Variants in TBCD observed in about 807,000 individuals in gnomAD.
TBCD encodes the protein tubulin-specific chaperone D.
Under a neutral mutation model 169.3 loss-of-function variants are expected in TBCD, and 105 were observed. The observed-to-expected ratio is 0.62, with a 90% confidence interval of 0.53 to 0.73. The LOEUF (loss-of-function observed/expected upper bound fraction) is 0.73. TBCD is among the 30% of genes least tolerant of loss of function. TBCD has a pLI of 0.00. For missense variants in TBCD, 1,444 were observed against 1,600.1 expected (o/e 0.90, Z 1.66); for synonymous variants, 700 against 643.9 (o/e 1.09, Z -1.32).
chr17:82,817,734 G>C (rs2052047171), intron 13 of TBCD, among the ~76,000 whole-genome samples: 1 of 152,100 alleles, frequency 6.6e-6, no homozygotes, highest in African/African-American at 2.4e-5. Context: ...GGCTGTACCT[G>C]GTGTGTTTTC....
At chr17:82,841,991 A>C (rs1160941706) in intron 13 of TBCD, among the ~76,000 whole-genome samples, 1 of 152,238 alleles carries the variant, frequency 6.6e-6, no homozygotes, top group Non-Finnish European at 1.5e-5. Context: ...GGAAGGTTCC[A>C]GTCCTCCAGA....
chr17:82,841,474 G>A (rs1311349720), intron 13 of TBCD, among the ~76,000 whole-genome samples: 2 of 152,042 alleles, frequency 1.3e-5, no homozygotes, highest in African/African-American at 4.8e-5. Context: ...CGGTCACTAT[G>A]CCTGGAGAAT....
At chr17:82,910,930 G>A (rs1374187984) in intron 22 of TBCD, among the ~76,000 whole-genome samples, 1 of 152,094 alleles carries the variant, frequency 6.6e-6, no homozygotes, top group Non-Finnish European at 1.5e-5. Flanking sequence ...CTTTACCTTC[G>A]AGGGGTGAAG....
chr17:82,762,051 C>G (rs1238412276), intron 2 of TBCD, among the ~76,000 whole-genome samples: 1 of 151,170 alleles, frequency 6.6e-6, no homozygotes, highest in Non-Finnish European at 1.5e-5. Context: ...CGGTTTTTGG[C>G]TGTTATTAAT....
At chr17:82,916,392 G>A (rs2061035777) in intron 23 of TBCD, among the ~76,000 whole-genome samples, 1 of 152,100 alleles carries the variant, frequency 6.6e-6, no homozygotes, top group African/African-American at 2.4e-5. Flanking sequence ...TTACAGGCAT[G>A]CGCCACCGTG....
intron 14 of TBCD, among the ~76,000 whole-genome samples, chr17:82,875,474 C>T (rs1567937367): frequency 6.6e-6 from 1 of 152,234 alleles, no homozygotes; most frequent in Non-Finnish European, 1.5e-5. Flanking sequence ...GTGATTTCCT[C>T]ACCTGAAACT....
Position 82,789,202 on chromosome 17 carries a change from G to A in TBCD, c.771+7481G>A, listed in dbSNP as rs531115874. The stretch of plus-strand genomic sequence containing the variant: ...CACGCTGGTTCGGTCTCCTCGTGGC[G>A]TTAAGGAAAGACCTGGAGCAGCCAG... On this transcript the variant is annotated intron_variant, in intron 7 of 38. Coordinates refer to ENST00000355528, the MANE Select transcript of TBCD (RefSeq NM_005993.5). This position sits in a 1 kb window ranked among gnomAD's most constrained non-coding sequence, Gnocchi z 4.8. 3.3e-5 allele frequency among the ~76,000 whole-genome samples: 5 copies of A among 152,258 alleles called. No homozygotes were observed. The highest frequency in any genetic ancestry group is 9.6e-5 in the African/African-American group (4 of 41,546).
chr17:82,833,710 T>A lies in TBCD; in HGVS notation c.1318+18776T>A, dbSNP rs1324803690. 6.6e-6 allele frequency among the ~76,000 whole-genome samples: 1 copy of A among 152,146 alleles called. No homozygotes were observed. The highest frequency in any genetic ancestry group is 2.4e-5 in the African/African-American group (1 of 41,420). On this transcript the variant is annotated intron_variant, in intron 13 of 38. Transcript: ENST00000355528. The surrounding 1 kb of genome is among the most constrained non-coding windows in gnomAD (Gnocchi z 4.7). ...CGAGAGGAGACCAGAGTGAGTAGTA[T>A]CCGCTTTAGAGATGGTTGGGTCATG...
chr17:82,862,870 C>G (rs1438949464), intron 13 of TBCD, among the ~76,000 whole-genome samples: 5 of 152,218 alleles, frequency 3.3e-5, no homozygotes, highest in Non-Finnish European at 2.9e-5. Flanking sequence ...GGCCAGGTGT[C>G]TGTCCTCTCA....
intron 12 of TBCD, among the ~76,000 whole-genome samples, chr17:82,811,205 C>T (rs1179745820): frequency 6.6e-6 from 1 of 152,182 alleles, no homozygotes; most frequent in African/African-American, 2.4e-5. Flanking sequence ...GCGGCCTTCA[C>T]AACAGTGTGG....
Position 82,862,757 on chromosome 17 carries a change from G to A in TBCD, c.1319-7467G>A, listed in dbSNP as rs535957732. On this transcript the variant is annotated intron_variant, in intron 13 of 38. Transcript: ENST00000355528. ...TGAGTTGGCCTCTCTGCCTGTGCACGTGTGTTGCCGGCCCCGGCTCAGCTG... is the reference window on the plus strand; with the variant it reads ...TGAGTTGGCCTCTCTGCCTGTGCACATGTGTTGCCGGCCCCGGCTCAGCTG... Among the ~76,000 whole-genome samples the A allele has an allele frequency of 9.2e-5, 14 of 152,356 alleles. No individual in the cohort carries two copies. The Middle Eastern group carries it at 0.01, about 111-fold the overall frequency.
chr17:82,868,442 G>A (rs2057336309), intron 13 of TBCD, among the ~76,000 whole-genome samples: 1 of 152,224 alleles, frequency 6.6e-6, no homozygotes, highest in South Asian at 2.1e-4. Context: ...TGGGCTGAGA[G>A]GAGGCAGTTT....
rs1474018617 is a variant in TBCD at position 82,752,151 on chromosome 17, C to T, written c.-43C>T. 1 of 1,470,558 alleles carries T rather than the reference C, an allele frequency of 6.8e-7. No individual in the cohort carries two copies. The highest frequency in any genetic ancestry group is 3.0e-5 in the East Asian group (1 of 33,800). The allele number at this position is 1,470,558 out of a possible 1,614,324, so 91.1% of individuals were successfully genotyped here. ...CTTTCGCGCTCTAGCGGAGTGGGAT[C>T]TGCGAACACGTGAGGCGGGGGCGCG... On this transcript the variant is annotated 5_prime_UTR_variant, in exon 1 of 39. Coordinates refer to ENST00000355528, the MANE Select transcript of TBCD (RefSeq NM_005993.5).
At chr17:82,800,760 C>T (rs535388727) in intron 8 of TBCD, 104 bp from the exon 9 acceptor site, 69 of 1,413,844 alleles carry the variant, frequency 4.9e-5, no homozygotes, top group Admixed American at 7.0e-5. Context: ...ATGTCTCCTG[C>T]CTCAAGGCCC....
intron 1 of TBCD, among the ~76,000 whole-genome samples, chr17:82,754,096 C>G (rs542943865): frequency 6.6e-6 from 1 of 151,512 alleles, no homozygotes; most frequent in South Asian, 2.1e-4. Flanking sequence ...AGGATGGTCT[C>G]GATCTCCTGA....
At chr17:82,898,798 C>T (rs549467871) in intron 17 of TBCD, among the ~76,000 whole-genome samples, 6 of 152,272 alleles carry the variant, frequency 3.9e-5, no homozygotes, top group Admixed American at 6.5e-5. Context: ...AAAAGTCTTC[C>T]GTGTTGTTTT....
chr17:82,858,868 C>T (rs2056529845), intron 13 of TBCD, among the ~76,000 whole-genome samples: 1 of 152,166 alleles, frequency 6.6e-6, no homozygotes. Flanking sequence ...TGTAGACTTG[C>T]TGGGACTTTG....
chr17:82,797,902 G>GTA (rs2050213990), intron 8 of TBCD, 100 bp downstream of exon 8: 1 of 695,840 alleles, frequency 1.4e-6, no homozygotes, highest in Non-Finnish European at 2.1e-6. Context: ...TATAGGAACT[G>GTA]TACATTGGTA....
chr17:82,813,992 T>G (rs2051663121), intron 12 of TBCD, among the ~76,000 whole-genome samples: 1 of 152,226 alleles, frequency 6.6e-6, no homozygotes, highest in African/African-American at 2.4e-5. Flanking sequence ...TTAGTGGGTT[T>G]TCCTAAACAT....
Sources: allele counts gnomAD v4.1 joint callset (sites outside exome capture counted in the v4.1 genomes callset), GRCh38; gene constraint gnomAD v4.1.1; non-coding constraint Gnocchi (gnomAD v3.1); transcripts MANE v1.5; gene names NCBI Gene and HGNC (gene_info 2026-07-23, HGNC 2026-07-21).